The following PDE3A variants were observed in gnomAD, a reference collection of about 807,000 sequenced individuals.
PDE3A encodes the protein phosphodiesterase 3A.
Under a neutral mutation model 98.3 loss-of-function variants are expected in PDE3A, and 43 were observed. The observed-to-expected ratio is 0.44, with a 90% CI of 0.34 to 0.56. The LOEUF (loss-of-function observed/expected upper bound fraction) is 0.56, where lower values mean the gene tolerates loss of function less well. Among genes scored for constraint, PDE3A ranks in the 20% least tolerant of loss-of-function variants. The pLI is 0.01. For missense variants in PDE3A, 1,427 were observed against 1,440.7 expected, an observed-to-expected ratio of 0.99 and a Z score of 0.15; for synonymous variants, 663 against 567.9, an observed-to-expected ratio of 1.17 and a Z score of -2.38.
intron 5 of PDE3A, among the ~76,000 whole-genome samples, chr12:20,623,692 TA>T (rs1944187391): frequency 1.3e-5 from 2 of 150,224 alleles, no homozygotes; most frequent in African/African-American, 4.9e-5. Flanking sequence ...ATATGATGGA[TA>T]TATTCTAGAA....
At chr12:20,528,658 G>A (rs1251717927) in intron 1 of PDE3A, among the ~76,000 whole-genome samples, 1 of 152,122 alleles carries the variant, frequency 6.6e-6, no homozygotes, top group Non-Finnish European at 1.5e-5. Flanking sequence ...CATGCCTGAT[G>A]GGATTTTAAT....
chr12:20,574,223 T>G (rs1174558914), intron 2 of PDE3A, among the ~76,000 whole-genome samples: 1 of 152,088 alleles, frequency 6.6e-6, no homozygotes, highest in African/African-American at 2.4e-5. Flanking sequence ...TAACTATACC[T>G]GGTCTTCTTA....
intron 2 of PDE3A, chr12:20,571,797 A>C (rs568496368): frequency 1.0e-5 from 4 of 397,802 alleles, no homozygotes; most frequent in Admixed American, 6.4e-5. Flanking sequence ...TGCATTTATC[A>C]TAGAACTTAG....
chr12:20,658,139 G>A (rs536550813), intron 15 of PDE3A, among the ~76,000 whole-genome samples: 1 of 152,302 alleles, frequency 6.6e-6, no homozygotes, highest in African/African-American at 2.4e-5. Flanking sequence ...AAAATCTGAT[G>A]TATTAATGTA....
At chr12:20,539,493 G>A (rs1286036033) in intron 1 of PDE3A, among the ~76,000 whole-genome samples, 1 of 152,106 alleles carries the variant, frequency 6.6e-6, no homozygotes, top group Non-Finnish European at 1.5e-5. Context: ...TGCAGTAAAT[G>A]CAGGAAACAC....
At chr12:20,474,409 A>G (rs2120979756) in intron 1 of PDE3A, among the ~76,000 whole-genome samples, 1 of 152,158 alleles carries the variant, frequency 6.6e-6, no homozygotes, top group East Asian at 1.9e-4. Flanking sequence ...GATTTTTAGG[A>G]CAAAAATTAT....
chr12:20,402,985 A>G (rs1944161089), intron 1 of PDE3A, among the ~76,000 whole-genome samples: 1 of 152,222 alleles, frequency 6.6e-6, no homozygotes, highest in African/African-American at 2.4e-5. Flanking sequence ...TTACATAAGA[A>G]TAGAGAAATA....
At chr12:20,636,062 TATTC>T (rs1342213595) in intron 8 of PDE3A, among the ~76,000 whole-genome samples, 1 of 152,198 alleles carries the variant, frequency 6.6e-6, no homozygotes, top group Non-Finnish European at 1.5e-5. Context: ...GGGAAGAAGA[TATTC>T]ATTGTCTTAG....
At chr12:20,657,516 G>C (rs1450734521) in intron 15 of PDE3A, among the ~76,000 whole-genome samples, 1 of 152,186 alleles carries the variant, frequency 6.6e-6, no homozygotes, top group East Asian at 1.9e-4. Flanking sequence ...CCTAGGAAAA[G>C]AAGGTTTTTA....
At position 20,369,680 on chromosome 12, in the gene PDE3A, C is replaced by T. The variant is rs777242103; in HGVS notation, c.396C>T (p.Pro132=). The T allele has an allele frequency of 1.9e-6, 3 of 1,610,000 alleles. No individual in the cohort carries two copies. The highest frequency in any genetic ancestry group is 2.5e-6 in the Non-Finnish European group (3 of 1,178,930). Residue 132 remains proline, a synonymous_variant, in exon 1 of 16, where the codon CCC becomes CCT. Coordinates refer to ENST00000359062, the MANE Select transcript of PDE3A (RefSeq NM_000921.5). ...GGARLSPWLQ[P]SALLFSLLCA... ...CGCGGCTCAGCCCCTGGCTGCAGCCCTCGGCGCTGCTCTTCAGTCTCCTGT... is the reference window on the plus strand; with the variant it reads ...CGCGGCTCAGCCCCTGGCTGCAGCCTTCGGCGCTGCTCTTCAGTCTCCTGT...
chr12:20,383,034 C>T (rs975396418), intron 1 of PDE3A, among the ~76,000 whole-genome samples: 13 of 151,864 alleles, frequency 8.6e-5, no homozygotes, highest in African/African-American at 3.1e-4. Flanking sequence ...GATAAGGCAA[C>T]AGTAGAAGGA....
intron 7 of PDE3A, among the ~76,000 whole-genome samples, chr12:20,634,053 G>A (rs1019168885): frequency 6.6e-6 from 1 of 152,046 alleles, no homozygotes; most frequent in Non-Finnish European, 1.5e-5. Context: ...AAAATCATCT[G>A]TACTCCTACT....
At chr12:20,605,097 C>T (rs994112682) in intron 2 of PDE3A, among the ~76,000 whole-genome samples, 4 of 152,156 alleles carry the variant, frequency 2.6e-5, no homozygotes, top group Non-Finnish European at 4.4e-5. Context: ...TACCTGACTT[C>T]GTTTTCAAGG....
chr12:20,390,629 C>G (rs1052299661), intron 1 of PDE3A, among the ~76,000 whole-genome samples: 1 of 151,676 alleles, frequency 6.6e-6, no homozygotes, highest in African/African-American at 2.4e-5. Context: ...ATTTTAGTTT[C>G]GGGGTGAAGG....
At chr12:20,386,005 T>A (rs1193204145) in intron 1 of PDE3A, among the ~76,000 whole-genome samples, 1 of 101,824 alleles carries the variant, frequency 9.8e-6, no homozygotes, top group African/African-American at 4.1e-5. Flanking sequence ...AATATATATA[T>A]AAATATATAT....
At chr12:20,608,719 T>C (rs1313218226) in intron 2 of PDE3A, among the ~76,000 whole-genome samples, 2 of 152,018 alleles carry the variant, frequency 1.3e-5, no homozygotes, top group Non-Finnish European at 1.5e-5. Context: ...TTGATAATTA[T>C]AAAAAAACTT....
At chr12:20,602,267 G>A (rs371742151) in intron 2 of PDE3A, among the ~76,000 whole-genome samples, 1 of 152,192 alleles carries the variant, frequency 6.6e-6, no homozygotes, top group East Asian at 1.9e-4. Context: ...GAAAACCAGC[G>A]TGCAACTTAA....
chr12:20,390,291 T>TA (rs1165585958), intron 1 of PDE3A, among the ~76,000 whole-genome samples: 2 of 151,812 alleles, frequency 1.3e-5, no homozygotes, highest in African/African-American at 4.8e-5. Flanking sequence ...TTATATTTTT[T>TA]AACCAAAGAG....
At chr12:20,635,110 C>T in intron 8 of PDE3A, 54 bp downstream of exon 8, 2 of 1,476,526 alleles carry the variant, frequency 1.4e-6, no homozygotes, top group Non-Finnish European at 9.3e-7. Flanking sequence ...GCTTCTGTTA[C>T]AGATATTGGC....
Sources: allele counts gnomAD v4.1 joint callset (sites outside exome capture counted in the v4.1 genomes callset), GRCh38; gene constraint gnomAD v4.1.1; transcripts MANE v1.5; gene names NCBI Gene and HGNC (gene_info 2026-07-23, HGNC 2026-07-21).